The following GRM7 variants were observed in gnomAD, a reference collection of about 807,000 sequenced individuals.
GRM7 encodes glutamate metabotropic receptor 7, also known as metabotropic glutamate receptor 7.
In GRM7, 35 loss-of-function variants were observed where a neutral mutation model predicts 84.5. That is an observed-to-expected ratio of 0.41 (90% confidence interval 0.32 to 0.55). The LOEUF is 0.55. GRM7 is among the 20% of genes least tolerant of loss of function. The pLI is 0.19. For synonymous variants in GRM7, 487 were observed against 455.1 expected (o/e 1.07, Z -0.89); for missense variants, 1,003 against 1,194.6 (o/e 0.84, Z 2.36).
chr3:6,993,651 T>C (rs987201864), intron 1 of GRM7, among the ~76,000 whole-genome samples: 1 of 152,182 alleles, frequency 6.6e-6, no homozygotes, highest in South Asian at 2.1e-4. Context: ...TGGTAGAGAC[T>C]CTATTCAGAG....
chr3:7,145,968 T>TAAG (rs1328466268), intron 1 of GRM7, among the ~76,000 whole-genome samples: 1 of 152,214 alleles, frequency 6.6e-6, no homozygotes, highest in Non-Finnish European at 1.5e-5. Context: ...GCTTGTGACT[T>TAAG]ACTTAGCTAT....
rs199610584 is a variant in GRM7 at position 7,578,745 on chromosome 3, C to T, written c.1839C>T (p.Ile613=). The change falls in exon 8 of 10, where the codon ATC becomes ATT. Residue 613 remains isoleucine (I), a synonymous_variant. Transcript: ENST00000357716. ...CCATCTTTGTCATGGCCACTTTCATCCGCTACAATGACACGCCCATTGTCC... is the reference window on the plus strand; with the variant it reads ...CCATCTTTGTCATGGCCACTTTCATTCGCTACAATGACACGCCCATTGTCC... ...IATIFVMATF[I]RYNDTPIVRA... is the part of the protein sequence containing the mutation. 1 of 1,614,094 alleles carries T rather than the reference C, an allele frequency of 6.2e-7. No individual in the cohort carries two copies. The highest frequency in any genetic ancestry group is 2.2e-5 in the East Asian group (1 of 44,870).
chr3:7,724,866 G>A (rs985736323), intron 9 of GRM7, among the ~76,000 whole-genome samples: 2 of 152,152 alleles, frequency 1.3e-5, no homozygotes, highest in South Asian at 2.1e-4. Context: ...GAGCTCACTC[G>A]ATCCTCCTGC....
intron 1 of GRM7, among the ~76,000 whole-genome samples, chr3:7,139,508 AC>A (rs1307669814): frequency 6.6e-6 from 1 of 151,968 alleles, no homozygotes; most frequent in Non-Finnish European, 1.5e-5. Flanking sequence ...TAGAGGAGAC[AC>A]CTTGGATGTT....
chr3:7,466,378 C>A (rs542717830), intron 7 of GRM7, among the ~76,000 whole-genome samples: 510 of 151,958 alleles, frequency 3.4e-3, no homozygotes, highest in Non-Finnish European at 4.5e-3. Flanking sequence ...TAGTAGTTCC[C>A]AAGAGGAAGT....
At chr3:7,609,528 C>T (rs957553868) in intron 8 of GRM7, among the ~76,000 whole-genome samples, 3 of 152,118 alleles carry the variant, frequency 2.0e-5, no homozygotes, top group Non-Finnish European at 2.9e-5. Context: ...ATGAGCCTTT[C>T]CTCCACATTA....
intron 7 of GRM7, among the ~76,000 whole-genome samples, chr3:7,493,855 T>A (rs1330423338): frequency 6.6e-6 from 1 of 152,110 alleles, no homozygotes; most frequent in Non-Finnish European, 1.5e-5. Flanking sequence ...TAATAGTTGT[T>A]CTGGGTATTA....
intron 2 of GRM7, among the ~76,000 whole-genome samples, chr3:7,181,477 C>T (rs909314536): frequency 4.0e-5 from 6 of 151,890 alleles, no homozygotes; most frequent in Non-Finnish European, 5.9e-5. Flanking sequence ...TTTTTTAAGG[C>T]ATTAAAAATA....
intron 1 of GRM7, among the ~76,000 whole-genome samples, chr3:6,880,956 C>G (rs1289482232): frequency 6.6e-6 from 1 of 152,102 alleles, no homozygotes; most frequent in East Asian, 1.9e-4. Flanking sequence ...GTTTATCTCT[C>G]AGTTACTCTG....
chr3:7,476,988 G>T (rs982597432), intron 7 of GRM7, among the ~76,000 whole-genome samples: 1 of 152,160 alleles, frequency 6.6e-6, no homozygotes, highest in Non-Finnish European at 1.5e-5. Context: ...CATCTTGCTA[G>T]GTCAACATTA....
In GRM7 at chr3:7,421,217, T is replaced by A. The variant is rs372359010; in HGVS notation, c.1174+6054T>A. Among the ~76,000 whole-genome samples the A allele has an allele frequency of 1.2e-4, 18 of 152,302 alleles. No individual in the cohort carries two copies. The East Asian group carries it at 2.7e-3, about 23-fold the overall frequency. ...CATTTAAGAACAAAAATTTAACCTCTTTTCAAGGGAAGCATAGCGCCACCT... is the reference window on the plus strand; with the variant it reads ...CATTTAAGAACAAAAATTTAACCTCATTTCAAGGGAAGCATAGCGCCACCT... On this transcript the variant is annotated intron_variant, in intron 5 of 9. Transcript: ENST00000357716.
At chr3:7,738,985 G>A (rs1280455700) in intron 9 of GRM7, among the ~76,000 whole-genome samples, 3 of 152,192 alleles carry the variant, frequency 2.0e-5, no homozygotes, top group Admixed American at 6.5e-5. Flanking sequence ...TTCATCAAAT[G>A]AGGACATACG....
At chr3:7,283,268 C>T (rs1467588230) in intron 2 of GRM7, among the ~76,000 whole-genome samples, 3 of 152,120 alleles carry the variant, frequency 2.0e-5, no homozygotes, top group Non-Finnish European at 4.4e-5. Context: ...TTTTCTCATC[C>T]TTAAAATGAA....
chr3:7,703,084 G>T (rs1192489312), intron 9 of GRM7, among the ~76,000 whole-genome samples: 1 of 152,094 alleles, frequency 6.6e-6, no homozygotes, highest in Admixed American at 6.6e-5. Context: ...TTGGTTTAGG[G>T]TAAGTTTCCA....
intron 4 of GRM7, among the ~76,000 whole-genome samples, chr3:7,388,116 T>G (rs1694856099): frequency 2.0e-5 from 3 of 152,150 alleles, no homozygotes; most frequent in Non-Finnish European, 4.4e-5. Flanking sequence ...ATAGAAATTC[T>G]ACTACTTTTT....
At chr3:7,506,507 C>T (rs1700043787) in intron 7 of GRM7, among the ~76,000 whole-genome samples, 1 of 152,146 alleles carries the variant, frequency 6.6e-6, no homozygotes, top group African/African-American at 2.4e-5. Flanking sequence ...TACCAACAAT[C>T]CCACTTCTTA....
Position 7,563,281 on chromosome 3 carries a change from G to T in GRM7, c.1516-15141G>T, listed in dbSNP as rs149625828. On this transcript the variant is annotated intron_variant, in intron 7 of 9. Transcript: ENST00000357716. Reference sequence around the variant, plus strand: ...GAAGGCTCAAGCGCAAAAGAAGAATGACAAGTGTTCAAAGGCATAAAAGAG... The same window carrying T: ...GAAGGCTCAAGCGCAAAAGAAGAATTACAAGTGTTCAAAGGCATAAAAGAG... Among the ~76,000 whole-genome samples, 50 of 152,252 alleles carry T rather than the reference G, an allele frequency of 3.3e-4. 1 individual carries two copies. The East Asian group carries it at 9.4e-3, about 29-fold the overall frequency.
intron 2 of GRM7, among the ~76,000 whole-genome samples, chr3:7,265,223 A>G (rs559417182): frequency 1.3e-5 from 2 of 152,306 alleles, no homozygotes; most frequent in African/African-American, 4.8e-5. Flanking sequence ...CATATTTGGA[A>G]TGGAAACCTT....
intron 2 of GRM7, among the ~76,000 whole-genome samples, chr3:7,219,510 C>A (rs1404501302): frequency 6.6e-6 from 1 of 152,260 alleles, no homozygotes; most frequent in Non-Finnish European, 1.5e-5. Context: ...ATTGCCTTCA[C>A]TGTTGGAGTG....
Sources: allele counts gnomAD v4.1 joint callset (sites outside exome capture counted in the v4.1 genomes callset), GRCh38; gene constraint gnomAD v4.1.1; transcripts MANE v1.5; gene names NCBI Gene and HGNC (gene_info 2026-07-23, HGNC 2026-07-21).